Variants in OR2L3 observed in about 807,000 individuals in gnomAD.
OR2L3 encodes olfactory receptor 2L3.
For synonymous variants in OR2L3, 131 were observed against 139.1 expected (o/e 0.94, Z 0.41); for missense variants, 369 against 376.6 (o/e 0.98, Z 0.17).
Position 248,062,935 on chromosome 1 carries a change from C to A in OR2L3, c.*1315C>A, listed in dbSNP as rs975232938. The stretch of plus-strand genomic sequence containing the variant: ...ATATATGGATTTATTTCTGGGTTCT[C>A]TGTTCTGTTTCACTGTTCTATGTGT... On this transcript the variant is annotated 3_prime_UTR_variant, in exon 2 of 2. Coordinates refer to ENST00000359959, the MANE Select transcript of OR2L3 (RefSeq NM_001004687.2). The A allele has an allele frequency of 1.3e-5, 2 of 152,174 alleles. No homozygotes were observed. The highest frequency in any genetic ancestry group is 4.8e-5 in the African/African-American group (2 of 41,450). The allele number at this position is 152,174 out of a possible 1,614,324, so 9.4% of individuals were successfully genotyped here.
chr1:248,047,881 T>C (rs1384663046), intron 1 of OR2L3, among the ~76,000 whole-genome samples: 3 of 152,202 alleles, frequency 2.0e-5, no homozygotes, highest in Non-Finnish European at 2.9e-5. Flanking sequence ...AGTCAAGTAA[T>C]ACACAGTCAC....
chr1:248,055,156 C>G (rs1266448017), intron 1 of OR2L3, among the ~76,000 whole-genome samples: 1 of 151,940 alleles, frequency 6.6e-6, no homozygotes, highest in East Asian at 1.9e-4. Flanking sequence ...GAAGGGAAGT[C>G]GAATTTTTTT....
At chr1:248,059,707 CA>C (rs1381489865) in intron 1 of OR2L3, among the ~76,000 whole-genome samples, 1 of 152,128 alleles carries the variant, frequency 6.6e-6, no homozygotes, top group Non-Finnish European at 1.5e-5. Context: ...TCAAGTTTCT[CA>C]AAATAGCAGA....
rs533394881 is a variant in OR2L3, at chr1:248,060,034, G to A, written c.-21-627G>A. Among the ~76,000 whole-genome samples, 3 of 141,342 alleles carry A rather than the reference G, an allele frequency of 2.1e-5. No homozygotes were observed. The East Asian group carries it at 5.9e-4, about 28-fold the overall frequency. 92.7% of individuals were successfully genotyped at this position (141,342 alleles called of 152,430 possible). ...CACCTGGGTAACAGAGAGAGACCCT[G>A]TCACTCAAAAAAAAAAAAAGTATAA... On this transcript the variant is annotated intron_variant, in intron 1 of 1. Transcript: ENST00000359959.
chr1:248,055,068 T>C (rs1663390288), intron 1 of OR2L3, among the ~76,000 whole-genome samples: 1 of 152,228 alleles, frequency 6.6e-6, no homozygotes, highest in Admixed American at 6.5e-5. Flanking sequence ...CAATATTGGC[T>C]GTGGGTTTGT....
intron 1 of OR2L3, among the ~76,000 whole-genome samples, chr1:248,048,543 T>C (rs1156551586): frequency 6.6e-6 from 1 of 152,114 alleles, no homozygotes; most frequent in Non-Finnish European, 1.5e-5. Flanking sequence ...TAGACAAGTG[T>C]TGTCAATGTG....
intron 1 of OR2L3, among the ~76,000 whole-genome samples, chr1:248,054,306 C>G (rs1339335614): frequency 4.6e-5 from 7 of 152,026 alleles, no homozygotes; most frequent in Non-Finnish European, 1.0e-4. Context: ...TATTCTGTTC[C>G]ATTGGTCTAT....
chr1:248,048,083 A>C (rs1258213591), intron 1 of OR2L3, among the ~76,000 whole-genome samples: 1 of 152,184 alleles, frequency 6.6e-6, no homozygotes, highest in East Asian at 1.9e-4. Context: ...ATTCCAAAAT[A>C]ACAGTCAAAG....
chr1:248,060,859 T>A lies in OR2L3; in HGVS notation c.178T>A (p.Phe60Ile), dbSNP rs1392433161. The change falls in exon 2 of 2, where the codon TTC (phenylalanine) becomes ATC (isoleucine). Residue 60 changes from phenylalanine to isoleucine, a missense_variant. Transcript: ENST00000359959. ...CACCCATCTCCACACACCCATGTAT[T>A]TCCTACTTAGTCAGCTCTCCCTCAT... ...LDTHLHTPMY[F>I]LLSQLSLIDL... 4 of 1,613,946 alleles carry A rather than the reference T, an allele frequency of 2.5e-6. No individual in the cohort carries two copies. Among genetic ancestry groups the A allele is most frequent in the Non-Finnish European group, 2.5e-6 (3 of 1,179,858 alleles).
chr1:248,051,636 G>A lies in OR2L3; in HGVS notation c.-22+4756G>A, dbSNP rs574348744. On this transcript the variant is annotated intron_variant, in intron 1 of 1. Coordinates refer to ENST00000359959, the MANE Select transcript of OR2L3 (RefSeq NM_001004687.2). ...TTGGAAAGCTACCTATTTGTGCTAT[G>A]TTCATTATTTTAGTGAAGGGTTCAA... 3.8e-4 allele frequency among the ~76,000 whole-genome samples: 58 copies of A among 152,124 alleles called. No individual in the cohort carries two copies. The South Asian group carries it at 0.012, about 30-fold the overall frequency.
In OR2L3 at chr1:248,060,996, A is replaced by C. The variant is rs1190808170; in HGVS notation, c.315A>C (p.Ala105=). The C allele has an allele frequency of 6.2e-7, 1 of 1,614,060 alleles. No individual in the cohort carries two copies. The highest frequency in any genetic ancestry group is 2.2e-5 in the East Asian group (1 of 44,866). ...GGATTCAGAGTTTCTTCTTCTCGGC[A>C]TTAGGAGGTGCAGAAGCACTACTTT... ...GCGIQSFFFS[A]LGGAEALLLA... is the part of the protein sequence containing the mutation. Residue 105 remains alanine, a synonymous_variant, in exon 2 of 2, where the codon GCA becomes GCC. Coordinates refer to ENST00000359959, the MANE Select transcript of OR2L3 (RefSeq NM_001004687.2).
chr1:248,056,735 C>A (rs1357169991), intron 1 of OR2L3, among the ~76,000 whole-genome samples: 1 of 143,512 alleles, frequency 7.0e-6, no homozygotes, highest in East Asian at 2.1e-4. Context: ...TCAACTTTTG[C>A]CTCCTGGGTT....
chr1:248,055,479 G>A (rs1422647797), intron 1 of OR2L3, among the ~76,000 whole-genome samples: 3 of 152,054 alleles, frequency 2.0e-5, no homozygotes, highest in South Asian at 4.1e-4. Flanking sequence ...GTGTGGGCTG[G>A]GCATGGTGAC....
At position 248,061,523 on chromosome 1, in the gene OR2L3, C is replaced by T; in HGVS notation, c.842C>T (p.Thr281Ile). 6.2e-7 allele frequency: 1 copy of T among 1,613,928 alleles called. No individual in the cohort carries two copies. Among genetic ancestry groups the T allele is most frequent in the Non-Finnish European group, 8.5e-7 (1 of 1,179,900 alleles). Residue 281 changes from threonine (T) to isoleucine (I), a missense_variant, in exon 2 of 2, where the codon ACT becomes ATT. By Grantham distance (89) the Thr-to-Ile change is moderately conservative. Coordinates refer to ENST00000359959, the MANE Select transcript of OR2L3 (RefSeq NM_001004687.2). ...CTGGCTGTCTTCTACACCACCCTCA[C>T]TCCAATGCTCAACCCCATCATCTAT... ...KVLAVFYTTLTPMLNPIIYSL... is the reference protein window; with the variant it reads ...KVLAVFYTTLIPMLNPIIYSL...
At chr1:248,056,287 A>AT (rs1001887397) in intron 1 of OR2L3, among the ~76,000 whole-genome samples, 27 of 150,510 alleles carry the variant, frequency 1.8e-4, no homozygotes, top group Middle Eastern at 3.4e-3. Flanking sequence ...TAGTTTATTG[A>AT]TTTTTTTTTC....
chr1:248,049,473 A>G (rs1486319204), intron 1 of OR2L3, among the ~76,000 whole-genome samples: 1 of 152,200 alleles, frequency 6.6e-6, no homozygotes, highest in Non-Finnish European at 1.5e-5. Context: ...GTGTTTTTTT[A>G]TAACTGAATT....
At position 248,061,196 on chromosome 1, in the gene OR2L3, C is replaced by A; in HGVS notation, c.515C>A (p.Ala172Asp). Residue 172 changes from alanine to aspartate, a missense_variant, in exon 2 of 2, where the codon GCC (alanine) becomes GAC (aspartate). Transcript: ENST00000359959. ...CATATTCCTTATTGCCAATCCAGGG[C>A]CATCAATCATTTCTTCTGTGATGTC... ...VLHIPYCQSRAINHFFCDVPA... is the reference protein window; with the variant it reads ...VLHIPYCQSRDINHFFCDVPA... 8 of 1,612,310 alleles carry A rather than the reference C, an allele frequency of 5.0e-6. No individual in the cohort carries two copies. The highest frequency in any genetic ancestry group is 6.8e-6 in the Non-Finnish European group (8 of 1,179,580).
chr1:248,051,975 A>G (rs911424180), intron 1 of OR2L3, among the ~76,000 whole-genome samples: 1 of 152,148 alleles, frequency 6.6e-6, no homozygotes, highest in Non-Finnish European at 1.5e-5. Flanking sequence ...TGATGCTTTG[A>G]CTTGCAATTT....
intron 1 of OR2L3, among the ~76,000 whole-genome samples, chr1:248,054,427 T>C (rs1663367804): frequency 6.6e-6 from 1 of 152,102 alleles, no homozygotes; most frequent in African/African-American, 2.4e-5. Context: ...ATGCAAGCTC[T>C]TTTTTGGTTC....
Sources: gnomAD v4.1 joint callset for allele counts (sites outside exome capture counted in the v4.1 genomes callset) on GRCh38, gnomAD v4.1.1 for gene constraint, MANE v1.5 for transcripts, NCBI Gene and HGNC (gene_info 2026-07-23, HGNC 2026-07-21) for gene names.